IL12RB2: variants seen among roughly 807,000 people sequenced by gnomAD.
IL12RB2 encodes the protein interleukin 12 receptor subunit beta 2.
In IL12RB2, 82 loss-of-function variants were observed where a neutral mutation model predicts 89.4. The observed-to-expected ratio is 0.92, with a 90% CI of 0.77 to 1.10. The LOEUF (loss-of-function observed/expected upper bound fraction) is 1.10, where lower values mean the gene tolerates loss of function less well. IL12RB2 is among the 50% of genes least tolerant of loss of function. IL12RB2 has a pLI of 0.00. For synonymous variants in IL12RB2, 368 were observed against 370.1 expected, an observed-to-expected ratio of 0.99 and a Z score of 0.07; for missense variants, 963 against 1,031.9, an observed-to-expected ratio of 0.93 and a Z score of 0.92.
intron 14 of IL12RB2, among the ~76,000 whole-genome samples, chr1:67,382,433 CTTG>C (rs1664702489): frequency 6.6e-6 from 1 of 151,716 alleles, no homozygotes; most frequent in African/African-American, 2.4e-5. Flanking sequence ...CATTACTTCT[CTTG>C]TTGTAACTCA....
chr1:67,373,907 T>C (rs1663646254), intron 13 of IL12RB2, among the ~76,000 whole-genome samples: 1 of 152,186 alleles, frequency 6.6e-6, no homozygotes, highest in African/African-American at 2.4e-5. Flanking sequence ...GTCTTCTCTC[T>C]TGACTTTAAG....
At chr1:67,388,045 G>A (rs1353008425) in intron 15 of IL12RB2, among the ~76,000 whole-genome samples, 1 of 152,032 alleles carries the variant, frequency 6.6e-6, no homozygotes, top group Admixed American at 6.5e-5. Context: ...AGCCATGGTG[G>A]TGCACACCTG....
chr1:67,396,313 T>C lies in IL12RB2; in HGVS notation c.*224T>C. 1.6e-6 allele frequency: 1 copy of C among 614,748 alleles called. No homozygotes were observed. Among genetic ancestry groups the C allele is most frequent in the Non-Finnish European group, 2.9e-6 (1 of 342,748 alleles). The allele number at this position is 614,748 out of a possible 1,614,324, so 38.1% of individuals were successfully genotyped here. A position where few individuals can be genotyped will look rare whatever the true frequency, so the allele number is the denominator to read the frequency against. ...TCCCAGGGCCTTAAAATTACATCCT[T>C]CACTGTGTGGACCTAGAGACTCCAA... On this transcript the variant is annotated 3_prime_UTR_variant, in exon 17 of 17. Transcript: ENST00000674203.
At chr1:67,387,579 T>C (rs1041801714) in intron 15 of IL12RB2, among the ~76,000 whole-genome samples, 1 of 151,394 alleles carries the variant, frequency 6.6e-6, no homozygotes, top group African/African-American at 2.4e-5. Context: ...CACGAGCCTG[T>C]AGTCCCAGCT....
Position 67,322,010 on chromosome 1 carries a change from T to C in IL12RB2, c.364+121T>C, listed in dbSNP as rs12083766. On this transcript the variant is annotated intron_variant, in intron 4 of 16. Transcript: ENST00000674203. ...AATGTTCTTTCTTTTCCCACCACATTGAAGTATTTTATCTTGATACCGACC... is the reference window on the plus strand; with the variant it reads ...AATGTTCTTTCTTTTCCCACCACATCGAAGTATTTTATCTTGATACCGACC... The C allele has an allele frequency of 0.016, 13,784 of 867,652 alleles. 1,274 individuals are homozygous for C. In the African/African-American group the frequency reaches 0.2, roughly 13 times the overall value. 53.7% of individuals were successfully genotyped at this position (867,652 alleles called of 1,614,324 possible).
chr1:67,354,765 C>T (rs1037387744), intron 10 of IL12RB2, among the ~76,000 whole-genome samples: 1 of 152,156 alleles, frequency 6.6e-6, no homozygotes, highest in Non-Finnish European at 1.5e-5. Context: ...TGTGCCTTCT[C>T]CTTTTTCAGT....
chr1:67,394,841 C>T (rs1370217423), intron 16 of IL12RB2, among the ~76,000 whole-genome samples: 1 of 152,194 alleles, frequency 6.6e-6, no homozygotes, highest in Non-Finnish European at 1.5e-5. Context: ...CTCTCGTGTC[C>T]CTTCATCACC....
chr1:67,381,435 C>T (rs1664561295), intron 14 of IL12RB2, among the ~76,000 whole-genome samples: 1 of 152,170 alleles, frequency 6.6e-6, no homozygotes. Flanking sequence ...GGGAAATTGA[C>T]AAGACTTCTT....
rs1056333478 is a variant in IL12RB2 at position 67,338,523 on chromosome 1, A to G, written c.959-101A>G. 4 of 731,512 alleles carry G rather than the reference A, an allele frequency of 5.5e-6. No individual in the cohort carries two copies. The African/African-American group carries it at 7.0e-5, about 13-fold the overall frequency. The allele number at this position is 731,512 out of a possible 1,614,324, so 45.3% of individuals were successfully genotyped here. A position where few individuals can be genotyped will look rare whatever the true frequency, so the allele number is the denominator to read the frequency against. On this transcript the variant is annotated intron_variant, in intron 8 of 16. Coordinates refer to ENST00000674203, the MANE Select transcript of IL12RB2 (RefSeq NM_001374259.2). ...GGGACACACACAAATAATTGAAGTTATCCTCTAATTCTACTCTTCCAGAAT... is the reference window on the plus strand; with the variant it reads ...GGGACACACACAAATAATTGAAGTTGTCCTCTAATTCTACTCTTCCAGAAT...
intron 10 of IL12RB2, among the ~76,000 whole-genome samples, chr1:67,355,603 G>A (rs1557440023): frequency 2.6e-5 from 4 of 152,222 alleles, no homozygotes; most frequent in African/African-American, 9.6e-5. Flanking sequence ...GGCCCAAGGA[G>A]GTGAAGTAAC....
At chr1:67,335,070 G>A (rs1239237823) in intron 8 of IL12RB2, among the ~76,000 whole-genome samples, 1 of 152,164 alleles carries the variant, frequency 6.6e-6, no homozygotes, top group African/African-American at 2.4e-5. Context: ...TCTAAGCTCA[G>A]CACCTATCTT....
Position 67,357,422 on chromosome 1 carries a change from A to C in IL12RB2, c.1258+6333A>C, listed in dbSNP as rs559345221. Among the ~76,000 whole-genome samples the C allele has an allele frequency of 3.3e-5, 5 of 152,314 alleles. No homozygotes were observed. In the East Asian group the frequency reaches 9.7e-4, roughly 29 times the overall value. ...AGCATGTTTTATTAGAATAACCTCA[A>C]AGGGCCATTAAAGAAAATGATTTCA... On this transcript the variant is annotated intron_variant, in intron 10 of 16. Transcript: ENST00000674203.
intron 13 of IL12RB2, among the ~76,000 whole-genome samples, chr1:67,375,324 G>A (rs998365575): frequency 3.3e-5 from 5 of 152,144 alleles, no homozygotes; most frequent in African/African-American, 1.2e-4. Flanking sequence ...GAGCCCAAGA[G>A]GCAGAGATTG....
intron 8 of IL12RB2, among the ~76,000 whole-genome samples, chr1:67,331,575 C>T (rs1382928725): frequency 6.6e-6 from 1 of 152,124 alleles, no homozygotes; most frequent in Non-Finnish European, 1.5e-5. Context: ...CATGGTCGCT[C>T]AGGCCTGTAA....
At chr1:67,311,346 G>T (rs1230185564) in intron 1 of IL12RB2, among the ~76,000 whole-genome samples, 1 of 152,202 alleles carries the variant, frequency 6.6e-6, no homozygotes. Context: ...AAGAGGGAAA[G>T]CAGTTAGACT....
Position 67,350,960 on chromosome 1 carries a change from A to G in IL12RB2, c.1129A>G (p.Ile377Val), listed in dbSNP as rs764546579. The part of the protein sequence containing the change: ...LTGGKAMTQN[I>V]TGHTSWTTVI... ...AGGAGGGAAAGCCATGACACAGAAC[A>G]TCACAGGACACACCTCCTGGACCAC... is the stretch of plus-strand genomic sequence containing the variant. The change falls in exon 10 of 17, where the codon ATC (isoleucine) becomes GTC (valine). Residue 377 changes from isoleucine to valine, a missense_variant. Transcript: ENST00000674203. 6.2e-7 allele frequency: 1 copy of G among 1,614,050 alleles called. No homozygotes were observed. The highest frequency in any genetic ancestry group is 1.3e-5 in the African/African-American group (1 of 74,926).
chr1:67,334,906 G>C (rs1658567788), intron 8 of IL12RB2, among the ~76,000 whole-genome samples: 1 of 152,196 alleles, frequency 6.6e-6, no homozygotes, highest in African/African-American at 2.4e-5. Context: ...AGCTATACTC[G>C]AAAGCATCAT....
chr1:67,330,789 A>G lies in IL12RB2; in HGVS notation c.937A>G (p.Arg313Gly). The G allele has an allele frequency of 6.3e-7, 1 of 1,578,264 alleles. No individual in the cohort carries two copies. Among genetic ancestry groups the G allele is most frequent in the Non-Finnish European group, 8.7e-7 (1 of 1,147,428 alleles). Residue 313 changes from arginine to glycine, a missense_variant, in exon 8 of 17, where the codon AGA becomes GGA. By Grantham distance (125) the Arg-to-Gly change is moderately radical. Coordinates refer to ENST00000674203, the MANE Select transcript of IL12RB2 (RefSeq NM_001374259.2). ...GSWSDWSESLRAQTPEEEPTG... is the reference protein window; with the variant it reads ...GSWSDWSESLGAQTPEEEPTG... ...TTGGAGTGATTGGAGTGAATCATTG[A>G]GAGCACAAACACCAGAAGAAGGTAT...
chr1:67,325,525 T>C (rs1184648954), intron 4 of IL12RB2, among the ~76,000 whole-genome samples: 2 of 152,168 alleles, frequency 1.3e-5, no homozygotes, highest in Admixed American at 6.5e-5. Context: ...GCCTCCCAAA[T>C]TGTTGGGATT....
Sources: allele counts gnomAD v4.1 joint callset (sites outside exome capture counted in the v4.1 genomes callset), GRCh38; gene constraint gnomAD v4.1.1; transcripts MANE v1.5; gene names NCBI Gene and HGNC (gene_info 2026-07-23, HGNC 2026-07-21).